The following MTCL1 variants were observed in gnomAD, a reference collection of about 807,000 sequenced individuals.
The protein encoded by MTCL1 is microtubule cross-linking factor 1.
MTCL1 carries 79 observed loss-of-function variants against 141.4 expected under a neutral mutation model. The observed-to-expected ratio is 0.56, with a 90% confidence interval of 0.47 to 0.67. The LOEUF is 0.67. MTCL1 is among the 30% of genes least tolerant of loss of function. MTCL1 has a pLI of 0.00. For synonymous variants in MTCL1, 914 were observed against 875.8 expected (o/e 1.04, Z -0.77); for missense variants, 2,177 against 2,113.9 (o/e 1.03, Z -0.59).
intron 4 of MTCL1, among the ~76,000 whole-genome samples, chr18:8,769,586 G>A (rs1339574959): frequency 4.6e-5 from 7 of 152,120 alleles, no homozygotes; most frequent in Admixed American, 3.3e-4. Flanking sequence ...TCATGTTCCC[G>A]AGTTTGCATG....
rs150964424 is a variant in MTCL1, at chr18:8,810,639, T to C, written c.2605-2340T>C. On this transcript the variant is annotated intron_variant, in intron 11 of 16. Transcript: ENST00000359865. The surrounding 1 kb of genome is among the most constrained non-coding windows in gnomAD (Gnocchi z 5.0). ...CAGCAGCCTGTCTTTCATTCTGGGT[T>C]ACGTGGACTTCCAGCAGCTCTTTTA... 2.3e-3 allele frequency among the ~76,000 whole-genome samples: 347 copies of C among 152,270 alleles called. No individual in the cohort carries two copies. Among genetic ancestry groups the C allele is most frequent in the African/African-American group, 8.1e-3 (337 of 41,546 alleles).
Position 8,747,407 on chromosome 18 carries a change from A to G in MTCL1, c.357+26911A>G, listed in dbSNP as rs543228136. Among the ~76,000 whole-genome samples the G allele has an allele frequency of 1.3e-4, 19 of 151,812 alleles. No individual in the cohort carries two copies. In the South Asian group the frequency reaches 3.1e-3, roughly 25 times the overall value. On this transcript the variant is annotated intron_variant, in intron 4 of 16. Coordinates refer to ENST00000359865, the Ensembl canonical transcript of MTCL1. ...GGTGCCTGCAGGGCACGCTGTCTGG[A>G]AAGGCCCTAGGGGAGAGTCTGTTCC...
chr18:8,725,438 A>G (rs1400547218), intron 4 of MTCL1, among the ~76,000 whole-genome samples: 1 of 152,196 alleles, frequency 6.6e-6, no homozygotes, highest in African/African-American at 2.4e-5. Context: ...GAAGACTTCA[A>G]TTGTAACCCA....
At chr18:8,709,930 C>T (rs2096077584) in intron 1 of MTCL1, among the ~76,000 whole-genome samples, 1 of 152,112 alleles carries the variant, frequency 6.6e-6, no homozygotes, top group Non-Finnish European at 1.5e-5. Context: ...CCCTCCGCCT[C>T]CCAGATTCAA....
chr18:8,751,490 A>C (rs1490557935), intron 4 of MTCL1, among the ~76,000 whole-genome samples: 12 of 152,252 alleles, frequency 7.9e-5, no homozygotes, highest in African/African-American at 2.9e-4. Context: ...TTTTGGGACA[A>C]GATAACTGAC....
chr18:8,820,406 T>C (rs1407610630), intron 13 of MTCL1, among the ~76,000 whole-genome samples: 1 of 150,648 alleles, frequency 6.6e-6, no homozygotes, highest in Non-Finnish European at 1.5e-5. Flanking sequence ...CAAGACTCCA[T>C]CCAAAAAAAA....
rs916158635 is a variant in MTCL1, at chr18:8,754,269, C to T, written c.358-23564C>T. Among the ~76,000 whole-genome samples, 3 of 152,320 alleles carry T rather than the reference C, an allele frequency of 2.0e-5. No homozygotes were observed. In the East Asian group the frequency reaches 5.8e-4, roughly 29 times the overall value. On this transcript the variant is annotated intron_variant, in intron 4 of 16. Transcript: ENST00000359865. ...TAATTTTAATAGAGACGGGGTTTCA[C>T]CGTGTTGCCCAGGCTGGTCTCGAAC... is the stretch of plus-strand genomic sequence containing the variant.
chr18:8,788,861 G>A (rs1462274072), intron 7 of MTCL1, among the ~76,000 whole-genome samples: 2 of 152,198 alleles, frequency 1.3e-5, no homozygotes, highest in Non-Finnish European at 2.9e-5. Context: ...CAGGACGAGT[G>A]TTTCTGCTGC....
chr18:8,753,369 C>T (rs182349538), intron 4 of MTCL1, among the ~76,000 whole-genome samples: 3 of 152,298 alleles, frequency 2.0e-5, no homozygotes, highest in Admixed American at 2.0e-4. Flanking sequence ...ACTGTACTCA[C>T]AAGCTAACAA....
chr18:8,778,198 GT>G (rs2096519172), intron 5 of MTCL1, among the ~76,000 whole-genome samples: 1 of 152,192 alleles, frequency 6.6e-6, no homozygotes, highest in African/African-American at 2.4e-5. Context: ...GGTAAAAAGT[GT>G]TTTGACCTTC....
chr18:8,825,318 C>T (rs768143155), exon 15 of MTCL1: 2 of 1,538,784 alleles, frequency 1.3e-6, no homozygotes, highest in Non-Finnish European at 1.7e-6. Flanking sequence ...GTTTGCCTCC[C>T]CACTGCACAG....
At chr18:8,829,860 A>G (rs2077141592) in intron 16 of MTCL1, 1 of 985,192 alleles carries the variant, frequency 1.0e-6, no homozygotes, top group Non-Finnish European at 1.2e-6. Flanking sequence ...GTGTGTTACT[A>G]AGGAAAAGGT....
At chr18:8,763,082 C>T (rs769088882) in intron 4 of MTCL1, among the ~76,000 whole-genome samples, 32 of 152,340 alleles carry the variant, frequency 2.1e-4, no homozygotes, top group Middle Eastern at 6.8e-3. Flanking sequence ...CTTCTCCCCC[C>T]AACCAAGCCC....
intron 4 of MTCL1, among the ~76,000 whole-genome samples, chr18:8,766,998 T>C (rs1240663569): frequency 6.6e-6 from 1 of 152,204 alleles, no homozygotes; most frequent in Non-Finnish European, 1.5e-5. Context: ...GGGTTTGTCC[T>C]GTTGTAGGAG....
intron 4 of MTCL1, among the ~76,000 whole-genome samples, chr18:8,746,678 C>T (rs2096340249): frequency 6.6e-6 from 1 of 152,308 alleles, no homozygotes; most frequent in East Asian, 1.9e-4. Context: ...ACAGGGGCCC[C>T]TGCACTGCTC....
exon 15 of MTCL1, chr18:8,825,449 G>C (rs1488974826): frequency 3.1e-6 from 5 of 1,588,302 alleles, no homozygotes; most frequent in East Asian, 2.3e-5. Context: ...AGACCAATGG[G>C]TCCCGGACGA....
chr18:8,831,312 G>C, intron 16 of MTCL1: 1 of 1,216,042 alleles, frequency 8.2e-7, no homozygotes, highest in Non-Finnish European at 1.0e-6. Context: ...ACTGTGTCAT[G>C]CCTTCTGTAT....
intron 4 of MTCL1, among the ~76,000 whole-genome samples, chr18:8,730,797 A>G (rs866623516): frequency 8.5e-5 from 13 of 152,226 alleles, no homozygotes; most frequent in African/African-American, 2.2e-4. Context: ...TTCCTGAGAG[A>G]TTGAAGATCC....
chr18:8,819,878 C>T (rs1174869423), intron 13 of MTCL1, among the ~76,000 whole-genome samples: 7 of 152,038 alleles, frequency 4.6e-5, no homozygotes, highest in African/African-American at 1.2e-4. Flanking sequence ...CCCAAAGTGC[C>T]GGGATTACAG....
Sources: allele counts gnomAD v4.1 joint callset (sites outside exome capture counted in the v4.1 genomes callset), GRCh38; gene constraint gnomAD v4.1.1; non-coding constraint Gnocchi (gnomAD v3.1); transcripts MANE v1.5; gene names NCBI Gene and HGNC (gene_info 2026-07-23, HGNC 2026-07-21).